The following LIPI variants were observed in gnomAD, a reference collection of about 807,000 sequenced individuals.
LIPI encodes lipase I.
A neutral mutation model predicts 50.6 loss-of-function variants in LIPI; 59 were observed. The ratio of observed to expected loss-of-function variants is 1.16; its 90% CI spans 0.94 to 1.45. The LOEUF (loss-of-function observed/expected upper bound fraction) is 1.45, where lower values mean the gene tolerates loss of function less well. Among genes scored for constraint, LIPI ranks in the 40% most tolerant of loss-of-function variants. The probability of loss-of-function intolerance (pLI) is 0.00; values close to 1 mark genes in which losing one functional copy is unlikely to be tolerated. For synonymous variants in LIPI, 203 were observed against 178.2 expected, an observed-to-expected ratio of 1.14 and a Z score of -1.11; for missense variants, 586 against 536.3, an observed-to-expected ratio of 1.09 and a Z score of -0.92.
chr21:14,175,929 A>G (rs968481463), intron 4 of LIPI, among the ~76,000 whole-genome samples: 1 of 152,160 alleles, frequency 6.6e-6, no homozygotes, highest in Admixed American at 6.5e-5. Flanking sequence ...CTGTAATCCC[A>G]GCACTTTGGG....
At position 14,138,558 on chromosome 21, in the gene LIPI, T is replaced by C. The variant is rs1025311220; in HGVS notation, c.1295+6065A>G. ...ATTAATTTTTTAATCAAGGTATTTT[T>C]ATAAGAAAAAGTCACTTAATTTTCT... On this transcript the variant is annotated intron_variant, in intron 9 of 9. Coordinates refer to ENST00000681601, the MANE Select transcript of LIPI (RefSeq NM_001302998.2). Among the ~76,000 whole-genome samples the C allele has an allele frequency of 9.9e-5, 15 of 152,182 alleles. No individual in the cohort carries two copies. In the East Asian group the frequency reaches 2.7e-3, roughly 27 times the overall value.
chr21:14,189,295 C>G lies in LIPI; in HGVS notation c.171G>C (p.Glu57Asp). 1 of 1,613,812 alleles carries G rather than the reference C, an allele frequency of 6.2e-7. No individual in the cohort carries two copies. Among genetic ancestry groups the G allele is most frequent in the Non-Finnish European group, 8.5e-7 (1 of 1,179,778 alleles). The change falls in exon 2 of 10, where the codon GAG (glutamate) becomes GAC (aspartate). Residue 57 changes from glutamate to aspartate, a missense_variant. Glu to Asp is a conservative substitution (Grantham distance 45). Coordinates refer to ENST00000681601, the MANE Select transcript of LIPI (RefSeq NM_001302998.2). ...MYTRNNLNCA[E>D]PLFEQNNSLN... ...GTGAGTTATTTTGTTCAAACAGTGG[C>G]TCAGCACAGTTTAGGTTGTTCCTTG...
intron 1 of LIPI, among the ~76,000 whole-genome samples, chr21:14,199,607 A>C (rs187007733): frequency 1.3e-4 from 17 of 135,716 alleles, no homozygotes; most frequent in African/African-American, 4.4e-4. Context: ...CCTACCAACC[A>C]AAAAAAAAAA....
chr21:14,202,861 CACAG>C (rs2020105009), intron 1 of LIPI, among the ~76,000 whole-genome samples: 1 of 147,484 alleles, frequency 6.8e-6, no homozygotes. Flanking sequence ...AGAGCTTCTG[CACAG>C]CAAAAAAAAC....
chr21:14,180,155 G>A (rs1298373261), intron 4 of LIPI, among the ~76,000 whole-genome samples: 1 of 152,026 alleles, frequency 6.6e-6, no homozygotes, highest in Non-Finnish European at 1.5e-5. Flanking sequence ...GGCTTCCTAG[G>A]GTGGGGAAAA....
At chr21:14,203,153 A>G (rs2020117997) in intron 1 of LIPI, among the ~76,000 whole-genome samples, 1 of 152,230 alleles carries the variant, frequency 6.6e-6, no homozygotes, top group South Asian at 2.1e-4. Context: ...CACACCAGCT[A>G]GAATGGTGAT....
chr21:14,133,610 G>T (rs886935395), intron 9 of LIPI, among the ~76,000 whole-genome samples: 1 of 152,128 alleles, frequency 6.6e-6, no homozygotes, highest in Non-Finnish European at 1.5e-5. Flanking sequence ...ACGCAGTACT[G>T]TAAGTTCTCA....
chr21:14,192,180 A>G (rs2019699689), intron 1 of LIPI, among the ~76,000 whole-genome samples: 1 of 152,210 alleles, frequency 6.6e-6, no homozygotes, highest in Non-Finnish European at 1.5e-5. Context: ...TCATCAAATG[A>G]TACAGTGGGC....
intron 3 of LIPI, among the ~76,000 whole-genome samples, chr21:14,184,717 G>T (rs769648787): frequency 7.7e-4 from 117 of 152,256 alleles, no homozygotes; most frequent in Admixed American, 2.1e-3. Context: ...ACTAATATGT[G>T]TAAACACAAT....
chr21:14,148,123 A>G (rs1320597122), intron 8 of LIPI, among the ~76,000 whole-genome samples: 1 of 152,190 alleles, frequency 6.6e-6, no homozygotes, highest in East Asian at 1.9e-4. Context: ...GATGCAGAAC[A>G]CATTTCAATC....
chr21:14,197,026 T>TACACAC (rs140607205), intron 1 of LIPI, among the ~76,000 whole-genome samples: 211 of 147,206 alleles, frequency 1.4e-3, no homozygotes, highest in East Asian at 4.4e-3. Context: ...ATAGGACAAA[T>TACACAC]ACACACACAC....
At chr21:14,132,182 G>A (rs1422778334) in intron 9 of LIPI, among the ~76,000 whole-genome samples, 1 of 152,136 alleles carries the variant, frequency 6.6e-6, no homozygotes, top group African/African-American at 2.4e-5. Context: ...AATCTAACAG[G>A]AGAGTCAGAC....
In LIPI at chr21:14,165,210, T is replaced by C. The variant is rs1378584659; in HGVS notation, c.901+13A>G. 1.9e-6 allele frequency: 3 copies of C among 1,572,680 alleles called. No individual in the cohort carries two copies. The highest frequency in any genetic ancestry group is 2.6e-6 in the Non-Finnish European group (3 of 1,143,360). On this transcript the variant is annotated intron_variant, in intron 6 of 9. Transcript: ENST00000681601. ...TAAATAAGAATGATAGTAACTATAA[T>C]AATCTCTCTTACCCAGCCGAGGACA...
chr21:14,171,496 T>C (rs940400026), intron 4 of LIPI, among the ~76,000 whole-genome samples: 77 of 150,646 alleles, frequency 5.1e-4, no homozygotes, highest in African/African-American at 1.8e-3. Context: ...CAAAACAGCA[T>C]GGTACTGGTA....
chr21:14,138,279 AAAAT>A (rs1362454846), intron 9 of LIPI, among the ~76,000 whole-genome samples: 4 of 152,152 alleles, frequency 2.6e-5, no homozygotes, highest in Non-Finnish European at 5.9e-5. Context: ...GATAGATAAA[AAAAT>A]AAAGATTTCA....
intron 3 of LIPI, among the ~76,000 whole-genome samples, chr21:14,185,315 A>G (rs1332981942): frequency 6.6e-6 from 1 of 152,074 alleles, no homozygotes; most frequent in African/African-American, 2.4e-5. Context: ...AACTAAGTAA[A>G]TAGTTATATT....
chr21:14,184,123 A>C (rs1252373248), intron 3 of LIPI, among the ~76,000 whole-genome samples: 1 of 152,242 alleles, frequency 6.6e-6, no homozygotes, highest in African/African-American at 2.4e-5. Context: ...TGGCACATAC[A>C]CAGCATGGAA....
At chr21:14,121,058 T>C (rs1316482883) in intron 9 of LIPI, among the ~76,000 whole-genome samples, 1 of 152,092 alleles carries the variant, frequency 6.6e-6, no homozygotes, top group East Asian at 1.9e-4. Context: ...ATATTAGTGT[T>C]TGCACCTTTT....
intron 9 of LIPI, among the ~76,000 whole-genome samples, chr21:14,109,860 G>T: frequency 8.4e-6 from 1 of 119,760 alleles, no homozygotes. Flanking sequence ...CTTTTACATT[G>T]TAAAAGTTCA....
Sources: allele counts gnomAD v4.1 joint callset (sites outside exome capture counted in the v4.1 genomes callset), GRCh38; gene constraint gnomAD v4.1.1; transcripts MANE v1.5; gene names NCBI Gene and HGNC (gene_info 2026-07-23, HGNC 2026-07-21).